The following RGS7 variants were observed in gnomAD, a reference collection of about 807,000 sequenced individuals.
RGS7 encodes the protein regulator of G-protein signaling 7.
Under a neutral mutation model 81.1 loss-of-function variants are expected in RGS7, and 27 were observed. The ratio of observed to expected loss-of-function variants is 0.33; its 90% CI spans 0.25 to 0.46. RGS7 has a LOEUF of 0.46. RGS7 is among the 20% of genes least tolerant of loss of function. The pLI is 1.00. For synonymous variants in RGS7, 208 were observed against 207.7 expected (o/e 1.00, Z -0.01); for missense variants, 396 against 607.4 (o/e 0.65, Z 3.66).
At chr1:241,116,821 A>T (rs1226364952) in intron 2 of RGS7, among the ~76,000 whole-genome samples, 1 of 152,178 alleles carries the variant, frequency 6.6e-6, no homozygotes, top group Admixed American at 6.5e-5. Flanking sequence ...GCTATTTGAA[A>T]TTATATGATA....
At chr1:241,313,681 A>G (rs958137549) in intron 2 of RGS7, among the ~76,000 whole-genome samples, 1 of 152,276 alleles carries the variant, frequency 6.6e-6, no homozygotes, top group Non-Finnish European at 1.5e-5. Flanking sequence ...AGACAGATGT[A>G]TAATAACATC....
At chr1:241,132,067 C>G (rs940318879) in intron 2 of RGS7, among the ~76,000 whole-genome samples, 1 of 152,076 alleles carries the variant, frequency 6.6e-6, no homozygotes, top group Non-Finnish European at 1.5e-5. Context: ...CGCAAAGGAC[C>G]GCCAGGCTCC....
In RGS7 at chr1:241,159,548, A is replaced by G. The variant is rs935325574; in HGVS notation, c.79-60786T>C. 3.3e-5 allele frequency among the ~76,000 whole-genome samples: 5 copies of G among 152,258 alleles called. No homozygotes were observed. In the South Asian group the frequency reaches 1.0e-3, roughly 32 times the overall value. On this transcript the variant is annotated intron_variant, in intron 2 of 18. Transcript: ENST00000440928. ...TACTCACTAATTTATCCCTTACTGA[A>G]CAAACATACTGAGCATCTATTAGAT...
intron 18 of RGS7, among the ~76,000 whole-genome samples, chr1:240,795,428 T>G (rs61639181): frequency 6.6e-6 from 1 of 152,198 alleles, no homozygotes; most frequent in Non-Finnish European, 1.5e-5. Context: ...GATTCCCACC[T>G]TCCAGAATAA....
chr1:241,161,422 CATT>C (rs915632821), intron 2 of RGS7, among the ~76,000 whole-genome samples: 1 of 150,712 alleles, frequency 6.6e-6, no homozygotes, highest in Non-Finnish European at 1.5e-5. Flanking sequence ...ACTAATAACA[CATT>C]AATAATAATA....
chr1:241,216,312 G>A (rs1573176756), intron 2 of RGS7, among the ~76,000 whole-genome samples: 1 of 151,958 alleles, frequency 6.6e-6, no homozygotes, highest in Non-Finnish European at 1.5e-5. Flanking sequence ...AAAAAAGGAA[G>A]AAAAATGAGA....
chr1:241,236,704 C>T (rs2686240), intron 2 of RGS7, among the ~76,000 whole-genome samples: 69,918 of 151,870 alleles, frequency 0.46, 16,256 homozygotes, highest in South Asian at 0.49. Flanking sequence ...ATTGCCACAC[C>T]CAAGTTCGAT....
At chr1:241,290,331 C>A (rs1268051128) in intron 2 of RGS7, among the ~76,000 whole-genome samples, 3 of 152,130 alleles carry the variant, frequency 2.0e-5, no homozygotes, top group Non-Finnish European at 4.4e-5. Flanking sequence ...CAGACATAGT[C>A]TACTAGCTAA....
chr1:241,030,679 A>G (rs1420756726), intron 3 of RGS7, among the ~76,000 whole-genome samples: 1 of 151,902 alleles, frequency 6.6e-6, no homozygotes, highest in Non-Finnish European at 1.5e-5. Context: ...AGCCACTATC[A>G]TCTCTCCCCT....
chr1:240,987,596 C>T (rs1421352099), intron 3 of RGS7, among the ~76,000 whole-genome samples: 5 of 151,534 alleles, frequency 3.3e-5, no homozygotes, highest in Admixed American at 3.3e-4. Context: ...ACAATCACCT[C>T]ATCGCAGCCT....
At chr1:240,940,960 G>A (rs1010074321) in intron 4 of RGS7, among the ~76,000 whole-genome samples, 20 of 152,134 alleles carry the variant, frequency 1.3e-4, no homozygotes, top group Admixed American at 2.0e-4. Flanking sequence ...TTGCAAATGA[G>A]TATGAGTGAA....
At chr1:240,884,077 CAAAAAAAAAAAA>C (rs4047365) in intron 6 of RGS7, among the ~76,000 whole-genome samples, 605 of 57,418 alleles carry the variant, frequency 0.011, 9 homozygotes, top group African/African-American at 0.043. Context: ...AACTCCATCT[CAAAAAAAAAAAA>C]AAAAAAAAAA....
At chr1:240,866,436 G>A (rs1003655097) in intron 9 of RGS7, among the ~76,000 whole-genome samples, 1 of 151,958 alleles carries the variant, frequency 6.6e-6, no homozygotes, top group Non-Finnish European at 1.5e-5. Context: ...GCCTGAACCC[G>A]GGAGGCGGAG....
At chr1:240,861,116 T>C (rs545337497) in intron 9 of RGS7, among the ~76,000 whole-genome samples, 76 of 152,310 alleles carry the variant, frequency 5.0e-4, no homozygotes, top group African/African-American at 1.7e-3. Flanking sequence ...ACAAGTGATC[T>C]GGTCAGGGTC....
intron 9 of RGS7, among the ~76,000 whole-genome samples, chr1:240,844,401 G>C (rs1309476994): frequency 5.9e-5 from 9 of 152,078 alleles, no homozygotes; most frequent in Non-Finnish European, 8.8e-5. Context: ...AGACCTTCCT[G>C]CTATCATCAC....
chr1:241,266,014 G>A (rs966293685), intron 2 of RGS7, among the ~76,000 whole-genome samples: 51 of 152,020 alleles, frequency 3.4e-4, no homozygotes, highest in Non-Finnish European at 4.0e-4. Flanking sequence ...GGCTGGTCTC[G>A]AACTCCCGAC....
intron 3 of RGS7, among the ~76,000 whole-genome samples, chr1:241,040,035 T>C (rs2060528904): frequency 6.6e-6 from 1 of 152,176 alleles, no homozygotes; most frequent in African/African-American, 2.4e-5. Context: ...TTTCTTAATA[T>C]GCTATCCTAA....
chr1:241,170,200 T>C (rs750848961), intron 2 of RGS7, among the ~76,000 whole-genome samples: 1 of 152,164 alleles, frequency 6.6e-6, no homozygotes, highest in Non-Finnish European at 1.5e-5. Context: ...TTCTGTACAA[T>C]GTGTTCCAGT....
At chr1:241,134,913 G>A (rs2067383882) in intron 2 of RGS7, among the ~76,000 whole-genome samples, 1 of 151,174 alleles carries the variant, frequency 6.6e-6, no homozygotes, top group South Asian at 2.1e-4. Context: ...CAGGACGACA[G>A]CCGGCCGGAA....
Sources: gnomAD v4.1 joint callset for allele counts (sites outside exome capture counted in the v4.1 genomes callset) on GRCh38, gnomAD v4.1.1 for gene constraint, MANE v1.5 for transcripts, NCBI Gene and HGNC (gene_info 2026-07-23, HGNC 2026-07-21) for gene names.